Variants in TMCO5A observed in about 807,000 individuals in gnomAD.
The protein encoded by TMCO5A is transmembrane and coiled-coil domain-containing protein 5A.
Under a neutral mutation model 42.3 loss-of-function variants are expected in TMCO5A, and 34 were observed. The ratio of observed to expected loss-of-function variants is 0.80; its 90% CI spans 0.61 to 1.07. The LOEUF (loss-of-function observed/expected upper bound fraction) is 1.07, where lower values mean the gene tolerates loss of function less well. Ranked by LOEUF, TMCO5A falls within the 50% of genes least tolerant of loss-of-function variation. The pLI, the probability that TMCO5A is intolerant of heterozygous loss-of-function variation, is 0.00. For synonymous variants in TMCO5A, 131 were observed against 115.6 expected (o/e 1.13, Z -0.86); for missense variants, 357 against 327.9 (o/e 1.09, Z -0.69).
At chr15:37,959,411 C>G (rs998807032) in intron 11 of TMCO5A, among the ~76,000 whole-genome samples, 1 of 151,858 alleles carries the variant, frequency 6.6e-6, no homozygotes, top group Non-Finnish European at 1.5e-5. Context: ...AAAAAGAAAA[C>G]TACAGGCCAA....
At chr15:37,948,739 CT>C (rs1479944577) in intron 11 of TMCO5A, among the ~76,000 whole-genome samples, 1 of 152,030 alleles carries the variant, frequency 6.6e-6, no homozygotes, top group Non-Finnish European at 1.5e-5. Flanking sequence ...GCTTCAACAT[CT>C]TGTGGGGCAC....
At chr15:37,976,836 C>T in the TMCO5A span, among the ~76,000 whole-genome samples, 1 of 144,826 alleles carries the variant, frequency 6.9e-6, no homozygotes, top group Non-Finnish European at 1.5e-5. Flanking sequence ...CTCTGTTGCC[C>T]AGGCAATAGC....
chr15:37,938,737 T>G (rs1367223995), intron 6 of TMCO5A, among the ~76,000 whole-genome samples: 1 of 152,104 alleles, frequency 6.6e-6, no homozygotes, highest in Non-Finnish European at 1.5e-5. Context: ...CGGCAATTTA[T>G]GTACCCTGTC....
At chr15:37,966,563 G>A in intron 11 of TMCO5A, 2 of 702,690 alleles carry the variant, frequency 2.8e-6, no homozygotes, top group Non-Finnish European at 5.2e-6. Context: ...TTTAGGCAAG[G>A]CTACAGCAAG....
At chr15:37,934,966 A>G (rs1217156462) in intron 1 of TMCO5A, among the ~76,000 whole-genome samples, 1 of 152,152 alleles carries the variant, frequency 6.6e-6, no homozygotes, top group African/African-American at 2.4e-5. Flanking sequence ...TGTCTTGTAT[A>G]AACTTCCACA....
intron 11 of TMCO5A, among the ~76,000 whole-genome samples, chr15:37,949,118 T>C (rs927843244): frequency 1.3e-5 from 2 of 151,502 alleles, no homozygotes; most frequent in African/African-American, 4.8e-5. Flanking sequence ...ATTAAAGCCA[T>C]AAGGCCTAAA....
downstream of TMCO5A, among the ~76,000 whole-genome samples, chr15:37,951,947 A>G (rs1217645923): frequency 6.6e-6 from 1 of 152,042 alleles, no homozygotes; most frequent in Non-Finnish European, 1.5e-5. Flanking sequence ...CTGTGTGGTG[A>G]GGAGAGAAAG....
At position 37,936,878 on chromosome 15, in the gene TMCO5A, C is replaced by T; in HGVS notation, c.172C>T (p.Leu58=). ...AAGTGAGATCATTCAGACGCGGGGC[C>T]TGGTGGAAGATGAAGAGTGGGAGAA... ...LESEIIQTRG[L]VEDEEWEKEN... is the part of the protein sequence containing the mutation. Residue 58 remains leucine, a synonymous_variant, in exon 4 of 12, where the codon CTG becomes TTG. Transcript: ENST00000319669. 1.2e-6 allele frequency: 2 copies of T among 1,612,318 alleles called. No homozygotes were observed. The highest frequency in any genetic ancestry group is 8.5e-7 in the Non-Finnish European group (1 of 1,179,088).
chr15:38,037,757 G>A, the TMCO5A span, among the ~76,000 whole-genome samples: 1 of 152,196 alleles, frequency 6.6e-6, no homozygotes, highest in Non-Finnish European at 1.5e-5. Context: ...GCTCACGCCT[G>A]TAATTCCAGC....
chr15:37,984,489 A>G, the TMCO5A span, among the ~76,000 whole-genome samples: 1 of 152,128 alleles, frequency 6.6e-6, no homozygotes, highest in Non-Finnish European at 1.5e-5. Context: ...ATATCCAGTA[A>G]AATCTGCCAC....
the TMCO5A span, among the ~76,000 whole-genome samples, chr15:38,038,555 A>G: frequency 3.3e-5 from 5 of 151,846 alleles, no homozygotes; most frequent in South Asian, 4.2e-4. Flanking sequence ...ACAGGCACCC[A>G]CCACCACGCC....
At chr15:37,941,448 C>T (rs769588520) in intron 7 of TMCO5A, among the ~76,000 whole-genome samples, 12 of 152,018 alleles carry the variant, frequency 7.9e-5, no homozygotes, top group Non-Finnish European at 1.3e-4. Context: ...TCTATCTATT[C>T]CTCTCCCAAC....
At chr15:37,965,089 G>C (rs976438665) in intron 11 of TMCO5A, among the ~76,000 whole-genome samples, 2 of 152,094 alleles carry the variant, frequency 1.3e-5, no homozygotes, top group African/African-American at 4.8e-5. Context: ...GAACATAATA[G>C]AGAACCCAGA....
the TMCO5A span, among the ~76,000 whole-genome samples, chr15:38,007,927 T>G: frequency 2.7e-4 from 34 of 125,428 alleles, no homozygotes; most frequent in East Asian, 2.1e-3. Flanking sequence ...ACAGAGTCTC[T>G]CTCTGTTGCC....
rs770859694 is a variant in TMCO5A at position 37,937,394 on chromosome 15, A to C, written c.313A>C (p.Lys105Gln). The change falls in exon 5 of 12, where the codon AAG becomes CAG. Residue 105 changes from lysine (K) to glutamine (Q), a missense_variant and splice_region_variant. Lys to Gln is a moderately conservative substitution (Grantham distance 53). Coordinates refer to ENST00000319669, the MANE Select transcript of TMCO5A (RefSeq NM_152453.4). ...LVHSITELQQ[K>Q]LTRKSQKITN... is the part of the protein sequence containing the mutation. The stretch of plus-strand genomic sequence containing the variant: ...CCACAGTATAACAGAACTTCAACAA[A>C]AGGTGAGGTAGGGTACTTGTGTTCT... 6.2e-7 allele frequency: 1 copy of C among 1,612,866 alleles called. No homozygotes were observed. The highest frequency in any genetic ancestry group is 8.5e-7 in the Non-Finnish European group (1 of 1,179,298).
the TMCO5A span, among the ~76,000 whole-genome samples, chr15:38,006,070 A>G: frequency 4.7e-4 from 72 of 152,324 alleles, no homozygotes; most frequent in East Asian, 0.01. Flanking sequence ...TGATATGAAG[A>G]GGTCAAGGCC....
At chr15:37,948,234 G>A (rs1890034187) in intron 11 of TMCO5A, among the ~76,000 whole-genome samples, 1 of 152,024 alleles carries the variant, frequency 6.6e-6, no homozygotes, top group African/African-American at 2.4e-5. Flanking sequence ...TTCATCCTGA[G>A]GGAATCACTG....
At chr15:37,958,246 T>C (rs1399745981) in intron 11 of TMCO5A, among the ~76,000 whole-genome samples, 1 of 152,122 alleles carries the variant, frequency 6.6e-6, no homozygotes, top group Non-Finnish European at 1.5e-5. Flanking sequence ...AAATGGGATA[T>C]ATTTAAACTA....
the TMCO5A span, among the ~76,000 whole-genome samples, chr15:38,020,752 A>G: frequency 6.6e-6 from 1 of 152,192 alleles, no homozygotes; most frequent in African/African-American, 2.4e-5. Flanking sequence ...TTATACCTCA[A>G]TAAAGCTGGG....
Sources: gnomAD v4.1 joint callset for allele counts (sites outside exome capture counted in the v4.1 genomes callset) on GRCh38, gnomAD v4.1.1 for gene constraint, MANE v1.5 for transcripts, NCBI Gene and HGNC (gene_info 2026-07-23, HGNC 2026-07-21) for gene names.